Variants in PPP2R2B observed in about 807,000 individuals in gnomAD.
PPP2R2B encodes the protein serine/threonine-protein phosphatase 2A 55 kDa regulatory subunit B beta isoform.
A neutral mutation model predicts 46.0 loss-of-function variants in PPP2R2B; 5 were observed. The observed-to-expected ratio is 0.11, with a 90% CI of 0.06 to 0.23. The LOEUF is 0.23. Ranked by LOEUF, PPP2R2B falls within the 10% of genes least tolerant of loss-of-function variation. The pLI, the probability that PPP2R2B is intolerant of heterozygous loss-of-function variation, is 1.00. For synonymous variants in PPP2R2B, 215 were observed against 206.7 expected (o/e 1.04, Z -0.34); for missense variants, 367 against 575.0 (o/e 0.64, Z 3.70).
intron 1 of PPP2R2B, among the ~76,000 whole-genome samples, chr5:147,033,162 A>G (rs891616692): frequency 1.8e-4 from 28 of 152,368 alleles, no homozygotes; most frequent in African/African-American, 6.7e-4. Flanking sequence ...GTACTATAAC[A>G]GTAGAGAAGA....
At chr5:146,864,842 G>C (rs1050538781) in intron 2 of PPP2R2B, among the ~76,000 whole-genome samples, 1 of 152,150 alleles carries the variant, frequency 6.6e-6, no homozygotes, top group African/African-American at 2.4e-5. Context: ...ATAAACTTAA[G>C]CACCTTGAAA....
At chr5:146,983,429 C>A (rs924542916) in intron 1 of PPP2R2B, among the ~76,000 whole-genome samples, 5 of 152,158 alleles carry the variant, frequency 3.3e-5, no homozygotes, top group Non-Finnish European at 7.4e-5. Context: ...ATCTGCCCGC[C>A]TTGGCCTCCC....
chr5:147,027,634 C>CA (rs10636778), intron 1 of PPP2R2B, among the ~76,000 whole-genome samples: 9,910 of 125,210 alleles, frequency 0.079, 1,249 homozygotes, highest in African/African-American at 0.27. Flanking sequence ...GACTCGGTCT[C>CA]AAAAAAAAAA....
intron 1 of PPP2R2B, among the ~76,000 whole-genome samples, chr5:146,936,615 G>A (rs1764150335): frequency 6.6e-6 from 1 of 150,554 alleles, no homozygotes; most frequent in African/African-American, 2.4e-5. Flanking sequence ...GAACCTCTCT[G>A]TACAGAGAGA....
upstream of PPP2R2B, among the ~76,000 whole-genome samples, chr5:146,881,136 C>G (rs939997582): frequency 6.6e-6 from 1 of 152,168 alleles, no homozygotes; most frequent in African/African-American, 2.4e-5. Context: ...CTGGCCACTT[C>G]TCTTTTCCTC....
rs189493308 is a variant in PPP2R2B at position 146,586,667 on chromosome 5, T to C, written c.*3280A>G. On this transcript the variant is annotated 3_prime_UTR_variant, in exon 10 of 10. Transcript: ENST00000394411. Reference sequence around the variant, plus strand: ...CATCTTATATATGCTGGTTGCCTAATAGAAGTTGATTTGGTTGAATTAATT... The same window carrying C: ...CATCTTATATATGCTGGTTGCCTAACAGAAGTTGATTTGGTTGAATTAATT... The C allele has an allele frequency of 4.6e-5, 7 of 152,284 alleles. No homozygotes were observed. Among genetic ancestry groups the C allele is most frequent in the African/African-American group, 1.7e-4 (7 of 41,560 alleles). 9.4% of individuals were successfully genotyped at this position (152,284 alleles called of 1,614,324 possible).
At chr5:147,074,408 G>A (rs1272771949) in intron 2 of PPP2R2B, among the ~76,000 whole-genome samples, 1 of 152,182 alleles carries the variant, frequency 6.6e-6, no homozygotes, top group African/African-American at 2.4e-5. Context: ...GGAAGAGCAA[G>A]GCAAGTAGGG....
chr5:146,665,381 G>A (rs995237444), intron 5 of PPP2R2B, among the ~76,000 whole-genome samples: 4 of 152,134 alleles, frequency 2.6e-5, no homozygotes, highest in African/African-American at 9.7e-5. Context: ...TATGGAGATG[G>A]CTTCTTACAC....
intron 2 of PPP2R2B, among the ~76,000 whole-genome samples, chr5:146,848,597 C>T (rs1377544742): frequency 1.3e-5 from 2 of 152,108 alleles, no homozygotes; most frequent in African/African-American, 4.8e-5. Context: ...CATCCTATCA[C>T]ATCAATCAAA....
At chr5:146,886,864 A>G (rs1461831594) in intron 1 of PPP2R2B, among the ~76,000 whole-genome samples, 5 of 151,980 alleles carry the variant, frequency 3.3e-5, no homozygotes, top group South Asian at 2.1e-4. Context: ...GCCATGAAAT[A>G]CTTTATAGGA....
chr5:146,788,552 G>C (rs7734140), intron 2 of PPP2R2B, among the ~76,000 whole-genome samples: 1,703 of 152,208 alleles, frequency 0.011, 28 homozygotes, highest in African/African-American at 0.039. Context: ...CCAACAAGAC[G>C]AAACCCCGTC....
At chr5:146,911,070 T>C (rs1284217029) in intron 1 of PPP2R2B, among the ~76,000 whole-genome samples, 2 of 148,904 alleles carry the variant, frequency 1.3e-5, no homozygotes, top group Non-Finnish European at 1.5e-5. Context: ...CCAGATCAGA[T>C]TGTCTGTTAG....
intron 1 of PPP2R2B, among the ~76,000 whole-genome samples, chr5:146,924,084 G>C (rs1026278810): frequency 6.6e-6 from 1 of 152,182 alleles, no homozygotes; most frequent in Non-Finnish European, 1.5e-5. Flanking sequence ...GATGAAGGGT[G>C]GAAGGAGGGA....
At chr5:146,626,150 A>T (rs1276802679) in intron 7 of PPP2R2B, among the ~76,000 whole-genome samples, 1 of 152,190 alleles carries the variant, frequency 6.6e-6, no homozygotes, top group East Asian at 1.9e-4. Flanking sequence ...ATTTGTGAGA[A>T]TTTGTTACAG....
chr5:146,700,720 T>C (rs1180665574), intron 3 of PPP2R2B, among the ~76,000 whole-genome samples: 1 of 152,212 alleles, frequency 6.6e-6, no homozygotes, highest in African/African-American at 2.4e-5. Flanking sequence ...TGAATTTCAA[T>C]GGCTCTATGA....
intron 2 of PPP2R2B, among the ~76,000 whole-genome samples, chr5:147,062,962 G>A (rs966026600): frequency 2.3e-3 from 188 of 81,338 alleles, no homozygotes; most frequent in Non-Finnish European, 3.8e-3. Flanking sequence ...GTAAAAGGGA[G>A]GGAGGGAGGG....
intron 1 of PPP2R2B, among the ~76,000 whole-genome samples, chr5:146,905,193 G>T (rs1762958098): frequency 6.6e-6 from 1 of 152,138 alleles, no homozygotes; most frequent in Non-Finnish European, 1.5e-5. Context: ...TACTTTGCTG[G>T]TGGGAGTGGA....
intron 1 of PPP2R2B, among the ~76,000 whole-genome samples, chr5:146,994,480 G>A (rs527269839): frequency 2.0e-5 from 3 of 152,080 alleles, no homozygotes; most frequent in Non-Finnish European, 4.4e-5. Flanking sequence ...GGAACAGAAG[G>A]CCCCCAGTGA....
intron 1 of PPP2R2B, among the ~76,000 whole-genome samples, chr5:146,946,729 T>C (rs1163847995): frequency 6.6e-6 from 1 of 152,032 alleles, no homozygotes; most frequent in African/African-American, 2.4e-5. Flanking sequence ...ATAACATAAA[T>C]AAAACATGGC....
Sources: allele counts gnomAD v4.1 joint callset (sites outside exome capture counted in the v4.1 genomes callset), GRCh38; gene constraint gnomAD v4.1.1; transcripts MANE v1.5; gene names NCBI Gene and HGNC (gene_info 2026-07-23, HGNC 2026-07-21).